The following NIBAN1 variants were observed in gnomAD, a reference collection of about 807,000 sequenced individuals.
The protein encoded by NIBAN1 is protein Niban 1.
In NIBAN1, 81 loss-of-function variants were observed where a neutral mutation model predicts 75.1. The ratio of observed to expected loss-of-function variants is 1.08; its 90% confidence interval spans 0.90 to 1.30. NIBAN1 has a LOEUF of 1.30. Among genes scored for constraint, NIBAN1 ranks in the 50% most tolerant of loss-of-function variants. The pLI is 0.00. For synonymous variants in NIBAN1, 436 were observed against 424.8 expected (o/e 1.03, Z -0.32); for missense variants, 1,133 against 1,128.1 (o/e 1.00, Z -0.06).
chr1:184,906,377 T>C (rs1033606569), intron 1 of NIBAN1, among the ~76,000 whole-genome samples: 1 of 152,142 alleles, frequency 6.6e-6, no homozygotes, highest in Non-Finnish European at 1.5e-5. Flanking sequence ...ACACCTGTAA[T>C]CCTAGCACTT....
rs182531333 is a variant in NIBAN1 at position 184,845,683 on chromosome 1, G to T, written c.602-13721C>A. Among the ~76,000 whole-genome samples, 2 of 33,984 alleles carry T rather than the reference G, an allele frequency of 5.9e-5. 1 individual carries two copies. The highest frequency in any genetic ancestry group is 1.2e-4 in the Non-Finnish European group (2 of 16,482). The allele number at this position is 33,984 out of a possible 152,430, so 22.3% of individuals were successfully genotyped here. On this transcript the variant is annotated intron_variant, in intron 5 of 13. Transcript: ENST00000367511. ...TCCCAGCGTAAGCGACGCAGAAGAC[G>T]GGTGATTTCTGCATTTCCATCTGAG...
chr1:184,899,299 C>T lies in NIBAN1; in HGVS notation c.66G>A (p.Glu22=). The T allele has an allele frequency of 2.5e-6, 4 of 1,613,722 alleles. No homozygotes were observed. The highest frequency in any genetic ancestry group is 3.3e-5 in the Admixed American group (2 of 59,994). ...GKCAYIRGKT[E]AAIKNFSPYY... is the part of the protein sequence containing the mutation. Reference sequence around the variant, plus strand: ...AGGGACTGAAGTTTTTGATGGCAGCCTCAGTTTTCCCTAGAAAAATATGAA... The same window carrying T: ...AGGGACTGAAGTTTTTGATGGCAGCTTCAGTTTTCCCTAGAAAAATATGAA... The change falls in exon 2 of 14, where the codon GAG becomes GAA. Residue 22 remains glutamate (E), a synonymous_variant. Coordinates refer to ENST00000367511, the MANE Select transcript of NIBAN1 (RefSeq NM_052966.4).
intron 1 of NIBAN1, among the ~76,000 whole-genome samples, chr1:184,953,452 G>C (rs1012370454): frequency 6.6e-5 from 10 of 152,260 alleles, no homozygotes; most frequent in Admixed American, 6.5e-4. Flanking sequence ...TTTTGAAAGC[G>C]TCTTTTACAT....
intron 1 of NIBAN1, among the ~76,000 whole-genome samples, chr1:184,937,159 T>TC (rs2102042254): frequency 6.7e-6 from 1 of 148,874 alleles, no homozygotes; most frequent in Admixed American, 6.7e-5. Context: ...TTTTTTTTTT[T>TC]TTTTTTTTTG....
chr1:184,807,996 G>T (rs1263280228), intron 10 of NIBAN1, 78 bp downstream of exon 10: 3 of 1,520,594 alleles, frequency 2.0e-6, no homozygotes, highest in Non-Finnish European at 1.8e-6. Flanking sequence ...TACACTAGCA[G>T]CTGGTCTCAC....
At chr1:184,936,524 AAGTC>A in intron 1 of NIBAN1, among the ~76,000 whole-genome samples, 1 of 152,332 alleles carries the variant, frequency 6.6e-6, no homozygotes, top group African/African-American at 2.4e-5. Context: ...CTAGAAGTCT[AAGTC>A]AGTATCACTG....
intron 9 of NIBAN1, among the ~76,000 whole-genome samples, chr1:184,814,828 C>T (rs1236903784): frequency 6.6e-6 from 1 of 152,156 alleles, no homozygotes; most frequent in Non-Finnish European, 1.5e-5. Context: ...TGCTGTGCAC[C>T]TAAATTGGAG....
chr1:184,839,078 A>G (rs1308034126), intron 5 of NIBAN1, among the ~76,000 whole-genome samples: 1 of 152,168 alleles, frequency 6.6e-6, no homozygotes, highest in East Asian at 1.9e-4. Context: ...AGTCCCTACC[A>G]TGGAGTATGG....
chr1:184,955,673 C>T (rs893148626), intron 1 of NIBAN1, among the ~76,000 whole-genome samples: 1 of 152,108 alleles, frequency 6.6e-6, no homozygotes, highest in Admixed American at 6.6e-5. Context: ...AAGCCTATAC[C>T]CTGCCTTCAA....
intron 9 of NIBAN1, among the ~76,000 whole-genome samples, chr1:184,808,694 A>G (rs1654279632): frequency 1.3e-5 from 2 of 152,156 alleles, no homozygotes; most frequent in Admixed American, 1.3e-4. Context: ...GGGAAGCCAG[A>G]GTTCCTCACA....
chr1:184,909,523 G>A (rs1466973132), intron 1 of NIBAN1, among the ~76,000 whole-genome samples: 1 of 152,170 alleles, frequency 6.6e-6, no homozygotes, highest in Non-Finnish European at 1.5e-5. Flanking sequence ...CTAGAAAATG[G>A]AAGGTAGTAT....
In NIBAN1 at chr1:184,845,939, G is replaced by A. The variant is rs1351227721; in HGVS notation, c.602-13977C>T. 2.5e-5 allele frequency among the ~76,000 whole-genome samples: 2 copies of A among 80,652 alleles called. 1 individual carries two copies. Among genetic ancestry groups the A allele is most frequent in the Non-Finnish European group, 4.9e-5 (2 of 40,418 alleles). 52.9% of individuals were successfully genotyped at this position (80,652 alleles called of 152,430 possible). On this transcript the variant is annotated intron_variant, in intron 5 of 13. Coordinates refer to ENST00000367511, the MANE Select transcript of NIBAN1 (RefSeq NM_052966.4). ...ACCAGCTTAAGAAACGGCGCACCAC[G>A]AGACTATATCCCACACCTGGCTCAG...
chr1:184,862,069 G>A (rs773049991), intron 5 of NIBAN1, among the ~76,000 whole-genome samples: 4 of 152,164 alleles, frequency 2.6e-5, no homozygotes, highest in Non-Finnish European at 5.9e-5. Flanking sequence ...CAATAAGATT[G>A]ACCTGGCCTT....
At chr1:184,802,370 G>A (rs1259856147) in intron 12 of NIBAN1, among the ~76,000 whole-genome samples, 1 of 151,296 alleles carries the variant, frequency 6.6e-6, no homozygotes, top group East Asian at 1.9e-4. Flanking sequence ...GTGGATCTGA[G>A]GCCCCCAAAC....
At chr1:184,806,188 T>C in intron 10 of NIBAN1, 132 bp from the exon 11 acceptor site, 2 of 640,028 alleles carry the variant, frequency 3.1e-6, no homozygotes, top group Non-Finnish European at 5.4e-6. Context: ...TCGGTGGGGG[T>C]ACCCAAGGCA....
chr1:184,946,757 G>T (rs1321711017), intron 1 of NIBAN1, among the ~76,000 whole-genome samples: 1 of 152,154 alleles, frequency 6.6e-6, no homozygotes, highest in Non-Finnish European at 1.5e-5. Flanking sequence ...TTCATAAAAA[G>T]AAATCTGGAA....
At chr1:184,939,836 C>T (rs545020912) in intron 1 of NIBAN1, among the ~76,000 whole-genome samples, 45 of 152,256 alleles carry the variant, frequency 3.0e-4, no homozygotes, top group African/African-American at 9.9e-4. Context: ...ATACTTAGAG[C>T]GCTGTGTCCC....
intron 4 of NIBAN1, 128 bp downstream of exon 4, chr1:184,889,980 C>CA: frequency 1.4e-6 from 1 of 720,836 alleles, no homozygotes; most frequent in Non-Finnish European, 2.3e-6. Flanking sequence ...TTGTGACAAA[C>CA]AAAAATGTCT....
chr1:184,966,913 G>C (rs1337107391), intron 1 of NIBAN1, among the ~76,000 whole-genome samples: 5 of 152,050 alleles, frequency 3.3e-5, no homozygotes, highest in African/African-American at 1.2e-4. Flanking sequence ...TAATCCTATA[G>C]ACTCATTCCA....
Sources: allele counts gnomAD v4.1 joint callset (sites outside exome capture counted in the v4.1 genomes callset), GRCh38; gene constraint gnomAD v4.1.1; transcripts MANE v1.5; gene names NCBI Gene and HGNC (gene_info 2026-07-23, HGNC 2026-07-21).